The following CA10 variants were observed in gnomAD, a reference collection of about 807,000 sequenced individuals.
CA10 encodes the protein carbonic anhydrase 10 (inactive), also known as carbonic anhydrase-related protein 10.
Under a neutral mutation model 44.2 loss-of-function variants are expected in CA10, and 14 were observed. The ratio of observed to expected loss-of-function variants is 0.32; its 90% CI spans 0.21 to 0.50. The LOEUF (loss-of-function observed/expected upper bound fraction) is 0.50. Among genes scored for constraint, CA10 ranks in the 20% least tolerant of loss-of-function variants. CA10 has a pLI of 0.99. For missense variants in CA10, 350 were observed against 409.7 expected (o/e 0.85, Z 1.26); for synonymous variants, 159 against 141.6 (o/e 1.12, Z -0.87).
chr17:52,078,544 C>T (rs764785986), intron 1 of CA10, among the ~76,000 whole-genome samples: 3 of 152,168 alleles, frequency 2.0e-5, no homozygotes, highest in Non-Finnish European at 2.9e-5. Flanking sequence ...ATGGTTGTTT[C>T]CCTCAGAAAT....
intron 3 of CA10, among the ~76,000 whole-genome samples, chr17:51,839,084 T>C (rs1254216419): frequency 6.6e-6 from 1 of 152,176 alleles, no homozygotes; most frequent in Non-Finnish European, 1.5e-5. Flanking sequence ...CACAAATGCA[T>C]AAAATCATGG....
At position 51,776,926 on chromosome 17, in the gene CA10, C is replaced by T. The variant is rs190239280; in HGVS notation, c.280-29108G>A. 5.6e-4 allele frequency among the ~76,000 whole-genome samples: 85 copies of T among 152,220 alleles called. 1 individual carries two copies. The highest frequency in any genetic ancestry group is 3.4e-3 in the Admixed American group (52 of 15,282). On this transcript the variant is annotated intron_variant, in intron 3 of 8. Coordinates refer to ENST00000451037, the MANE Select transcript of CA10 (RefSeq NM_020178.5). The stretch of plus-strand genomic sequence containing the variant: ...GTTCCTGGCACTCCAGGCCTGCCTG[C>T]GATTGGGCAGAGCAGACTCTCACAG...
chr17:51,639,608 C>G (rs1161204438), intron 6 of CA10, among the ~76,000 whole-genome samples: 2 of 152,196 alleles, frequency 1.3e-5, no homozygotes, highest in Non-Finnish European at 2.9e-5. Context: ...ATGCAACAGT[C>G]ATCAGAGGAC....
intron 3 of CA10, among the ~76,000 whole-genome samples, chr17:51,860,422 CA>C (rs764535818): frequency 1.4e-4 from 21 of 152,150 alleles, no homozygotes; most frequent in Non-Finnish European, 2.2e-4. Context: ...GACTGCAAAA[CA>C]ATGGTTAGGA....
chr17:51,994,092 T>C (rs1985138774), intron 2 of CA10, among the ~76,000 whole-genome samples: 1 of 152,010 alleles, frequency 6.6e-6, no homozygotes, highest in Admixed American at 6.6e-5. Flanking sequence ...GGAAAAACTT[T>C]GAAACTGGAG....
At chr17:52,144,148 A>C (rs1989536823) in intron 1 of CA10, among the ~76,000 whole-genome samples, 1 of 152,232 alleles carries the variant, frequency 6.6e-6, no homozygotes, top group Non-Finnish European at 1.5e-5. Context: ...ACAAACACAA[A>C]TTAGTGCTTG....
chr17:52,000,752 T>C (rs944703780), intron 2 of CA10, among the ~76,000 whole-genome samples: 1 of 152,048 alleles, frequency 6.6e-6, no homozygotes, highest in Non-Finnish European at 1.5e-5. Flanking sequence ...CATTTAATCC[T>C]CACAAATAAA....
chr17:52,066,412 T>C (rs1485887878), intron 2 of CA10, among the ~76,000 whole-genome samples: 2 of 152,168 alleles, frequency 1.3e-5, no homozygotes, highest in South Asian at 2.1e-4. Flanking sequence ...TCACCTTGAA[T>C]TGTAATAATC....
chr17:51,966,524 A>G (rs1434611208), intron 2 of CA10, among the ~76,000 whole-genome samples: 2 of 151,946 alleles, frequency 1.3e-5, no homozygotes, highest in Non-Finnish European at 2.9e-5. Flanking sequence ...TGATCAATAG[A>G]ATAGAATAGA....
At chr17:51,848,583 T>C (rs937990345) in intron 3 of CA10, among the ~76,000 whole-genome samples, 2 of 152,220 alleles carry the variant, frequency 1.3e-5, no homozygotes, top group African/African-American at 2.4e-5. Context: ...AATGCATCTA[T>C]TCATTGATTC....
chr17:52,013,567 A>G (rs566181883), intron 2 of CA10, among the ~76,000 whole-genome samples: 2 of 152,066 alleles, frequency 1.3e-5, no homozygotes, highest in African/African-American at 4.8e-5. Flanking sequence ...ATATAGAAAA[A>G]TTTAAAAGAT....
chr17:51,774,472 C>T (rs1387735367), intron 3 of CA10, among the ~76,000 whole-genome samples: 1 of 151,100 alleles, frequency 6.6e-6, no homozygotes, highest in East Asian at 1.9e-4. Context: ...TGGAGTCTCG[C>T]TCTGTTGCCC....
chr17:52,009,605 G>A (rs1985716187), intron 2 of CA10, among the ~76,000 whole-genome samples: 1 of 151,968 alleles, frequency 6.6e-6, no homozygotes, highest in Non-Finnish European at 1.5e-5. Flanking sequence ...TACCTCTAAA[G>A]CAAAGGTCAA....
intron 5 of CA10, among the ~76,000 whole-genome samples, chr17:51,652,891 T>C (rs1231815886): frequency 2.6e-5 from 4 of 152,320 alleles, no homozygotes; most frequent in South Asian, 4.1e-4. Flanking sequence ...CTGCCACACA[T>C]TGCTTTTTTT....
chr17:52,131,139 T>C (rs1171192088), intron 1 of CA10, among the ~76,000 whole-genome samples: 1 of 151,906 alleles, frequency 6.6e-6, no homozygotes, highest in Admixed American at 6.6e-5. Flanking sequence ...TAAATATTAT[T>C]GTTTGGCATT....
chr17:51,669,384 C>A (rs1914328396), intron 4 of CA10, among the ~76,000 whole-genome samples: 1 of 152,118 alleles, frequency 6.6e-6, no homozygotes, highest in African/African-American at 2.4e-5. Context: ...ATGCACCAAT[C>A]AGCACTCTGT....
chr17:51,664,847 T>C (rs1914151782), intron 4 of CA10, among the ~76,000 whole-genome samples: 1 of 152,206 alleles, frequency 6.6e-6, no homozygotes, highest in African/African-American at 2.4e-5. Flanking sequence ...TATAACTAAA[T>C]TGGAGAGGAA....
At chr17:52,101,029 G>T (rs1344100277) in intron 1 of CA10, among the ~76,000 whole-genome samples, 1 of 152,164 alleles carries the variant, frequency 6.6e-6, no homozygotes, top group Non-Finnish European at 1.5e-5. Context: ...AGTCAATGTA[G>T]TTGCAAAATT....
In CA10 at chr17:52,158,087, GA is replaced by G; in HGVS notation, c.-302del. On this transcript the variant is annotated 5_prime_UTR_variant, in exon 1 of 9. An upstream open reading frame in the 5' UTR loses its in-frame stop. Coordinates refer to ENST00000451037, the MANE Select transcript of CA10 (RefSeq NM_020178.5). ...GTCTCTTCTCTTCGCACCAGCGGCG[GA>G]AACCGCACTAGCAGCGGCGGCGGCG... 1 of 515,274 alleles carries G rather than the reference GA, an allele frequency of 1.9e-6. No individual in the cohort carries two copies. 31.9% of individuals were successfully genotyped at this position (515,274 alleles called of 1,614,324 possible). A position where few individuals can be genotyped will look rare whatever the true frequency, so the allele number is the denominator to read the frequency against.
Sources: allele counts gnomAD v4.1 joint callset (sites outside exome capture counted in the v4.1 genomes callset), GRCh38; gene constraint gnomAD v4.1.1; transcripts MANE v1.5; gene names NCBI Gene and HGNC (gene_info 2026-07-23, HGNC 2026-07-21).